TMPRSS7: variants seen among roughly 807,000 people sequenced by gnomAD.
The protein encoded by TMPRSS7 is transmembrane serine protease 7, also known as transmembrane protease serine 7.
Under a neutral mutation model 95.6 loss-of-function variants are expected in TMPRSS7, and 81 were observed. That is an observed-to-expected ratio of 0.85 (90% CI 0.71 to 1.02). TMPRSS7 has a LOEUF of 1.02. Ranked by LOEUF, TMPRSS7 falls within the 50% of genes least tolerant of loss-of-function variation. The pLI is 0.00. For synonymous variants in TMPRSS7, 364 were observed against 337.8 expected (o/e 1.08, Z -0.85); for missense variants, 945 against 955.2 (o/e 0.99, Z 0.14).
At chr3:112,044,771 T>C (rs1175498913) in intron 4 of TMPRSS7, among the ~76,000 whole-genome samples, 1 of 144,370 alleles carries the variant, frequency 6.9e-6, no homozygotes, top group Non-Finnish European at 1.5e-5. Flanking sequence ...TCCCAATATA[T>C]CTGCAGAGAT....
At chr3:112,068,729 T>C (rs61574805) in intron 13 of TMPRSS7, among the ~76,000 whole-genome samples, 4,530 of 152,228 alleles carry the variant, frequency 0.03, 184 homozygotes, top group African/African-American at 0.088. Context: ...TGGGCTGAGA[T>C]GATGGGGTTT....
intron 16 of TMPRSS7, 45 bp downstream of exon 16, chr3:112,077,189 G>A: frequency 1.9e-6 from 3 of 1,595,322 alleles, no homozygotes; most frequent in Admixed American, 3.4e-5. Flanking sequence ...TGCAGAGGAT[G>A]ATAAGGTGTT....
intron 13 of TMPRSS7, among the ~76,000 whole-genome samples, chr3:112,073,380 CA>C (rs1192432295): frequency 2.0e-5 from 3 of 152,160 alleles, no homozygotes; most frequent in Non-Finnish European, 4.4e-5. Context: ...AGGCAGGAGC[CA>C]CCTGTAATTA....
intron 4 of TMPRSS7, among the ~76,000 whole-genome samples, chr3:112,045,288 C>T (rs1460667320): frequency 6.6e-6 from 1 of 152,186 alleles, no homozygotes; most frequent in Non-Finnish European, 1.5e-5. Context: ...GCTGTGATTA[C>T]AGGCACCTGC....
chr3:112,073,316 A>T (rs1475788244), intron 13 of TMPRSS7, among the ~76,000 whole-genome samples: 1 of 150,254 alleles, frequency 6.7e-6, no homozygotes, highest in Non-Finnish European at 1.5e-5. Context: ...CTGATCTCGA[A>T]CTCCTGACCT....
exon 4 of TMPRSS7, chr3:112,044,304 C>T: frequency 6.4e-7 from 1 of 1,551,364 alleles, no homozygotes; most frequent in Non-Finnish European, 8.7e-7. Flanking sequence ...TATGAGCAGT[C>T]TGTTGTTGCA....
At chr3:112,051,789 C>T (rs955571553) in intron 9 of TMPRSS7, among the ~76,000 whole-genome samples, 1 of 151,912 alleles carries the variant, frequency 6.6e-6, no homozygotes, top group African/African-American at 2.4e-5. Context: ...TTTCTTTCTC[C>T]ACCTATAATA....
At chr3:112,056,091 G>A (rs1053415110) in intron 9 of TMPRSS7, among the ~76,000 whole-genome samples, 3 of 152,068 alleles carry the variant, frequency 2.0e-5, no homozygotes, top group African/African-American at 7.2e-5. Flanking sequence ...GCTTAAATAA[G>A]GAATTTTAAG....
intron 11 of TMPRSS7, among the ~76,000 whole-genome samples, chr3:112,062,416 G>A (rs1275897692): frequency 6.6e-6 from 1 of 152,206 alleles, no homozygotes; most frequent in Admixed American, 6.5e-5. Flanking sequence ...ACTACTGGAA[G>A]AGCGGCCAGG....
At chr3:112,041,722 T>C (rs1394872436) in intron 2 of TMPRSS7, among the ~76,000 whole-genome samples, 198 bp from the exon 3 acceptor site, 1 of 152,170 alleles carries the variant, frequency 6.6e-6, no homozygotes, top group Non-Finnish European at 1.5e-5. Flanking sequence ...AGAAGGAATA[T>C]TCTGAGATAC....
intron 9 of TMPRSS7, among the ~76,000 whole-genome samples, chr3:112,053,122 G>A (rs2073382864): frequency 6.6e-6 from 1 of 151,388 alleles, no homozygotes; most frequent in South Asian, 2.1e-4. Flanking sequence ...GCATGTTACT[G>A]TGAATGGAAA....
At chr3:112,080,888 T>C (rs2073770264) in intron 17 of TMPRSS7, 26 bp from the exon 18 acceptor site, 3 of 1,599,822 alleles carry the variant, frequency 1.9e-6, no homozygotes, top group Non-Finnish European at 2.6e-6. Flanking sequence ...CAATTTACTT[T>C]ATACTTACAT....
chr3:112,063,647 T>C lies in TMPRSS7; in HGVS notation c.1555+15T>C. 1 of 1,594,734 alleles carries C rather than the reference T, an allele frequency of 6.3e-7. No homozygotes were observed. The highest frequency in any genetic ancestry group is 8.6e-7 in the Non-Finnish European group (1 of 1,162,432). ...ACTGTTTTGCGGTGGGTATTCAAGA[T>C]TTTAATATGACTTTCTTATGAATAA... On this transcript the variant is annotated intron_variant, in intron 12 of 17. Coordinates refer to ENST00000452346, the Ensembl canonical transcript of TMPRSS7.
At chr3:112,071,735 A>T (rs111760016) in intron 13 of TMPRSS7, among the ~76,000 whole-genome samples, 1 of 152,116 alleles carries the variant, frequency 6.6e-6, no homozygotes. Flanking sequence ...CACTTGATGG[A>T]ATCAGCTACT....
At chr3:112,061,706 G>A (rs943725720) in intron 10 of TMPRSS7, 81 bp from the exon 11 acceptor site, 2 of 1,482,094 alleles carry the variant, frequency 1.3e-6, no homozygotes, top group African/African-American at 1.4e-5. Context: ...AATGACCAAA[G>A]TATTAGAGAA....
rs751106535 is a variant in TMPRSS7 at position 112,075,537 on chromosome 3, T to C, written c.1955+45T>C. ...ACTTTCAAGTGGCACTCTGTGGCCA[T>C]AGACAATATATCTGCCCTCAAATTG... On this transcript the variant is annotated intron_variant, in intron 15 of 17. Coordinates refer to ENST00000452346, the Ensembl canonical transcript of TMPRSS7. 5.9e-6 allele frequency: 8 copies of C among 1,354,992 alleles called. No individual in the cohort carries two copies. The South Asian group carries it at 6.3e-5, about 11-fold the overall frequency. The allele number at this position is 1,354,992 out of a possible 1,614,324, so 83.9% of individuals were successfully genotyped here.
chr3:112,053,316 A>G (rs2073387413), intron 9 of TMPRSS7, among the ~76,000 whole-genome samples: 1 of 152,170 alleles, frequency 6.6e-6, no homozygotes, highest in South Asian at 2.1e-4. Context: ...TTTGCTGAAG[A>G]GCAGTCAACC....
chr3:112,080,105 A>G (rs1283444030), intron 17 of TMPRSS7, among the ~76,000 whole-genome samples: 2 of 152,220 alleles, frequency 1.3e-5, no homozygotes. Flanking sequence ...TAAGATCATA[A>G]TTTGGATACA....
downstream of TMPRSS7, chr3:112,081,166 C>T: frequency 1.4e-6 from 2 of 1,394,736 alleles, no homozygotes; most frequent in Non-Finnish European, 1.9e-6. Flanking sequence ...GGTGCGCTGG[C>T]TCACACCTGT....
Sources: gnomAD v4.1 joint callset for allele counts (sites outside exome capture counted in the v4.1 genomes callset) on GRCh38, gnomAD v4.1.1 for gene constraint, MANE v1.5 for transcripts, NCBI Gene and HGNC (gene_info 2026-07-23, HGNC 2026-07-21) for gene names.